Variants in ADAD2 observed in about 807,000 individuals in gnomAD.
ADAD2 encodes the protein adenosine deaminase domain containing 2, also known as adenosine deaminase domain-containing protein 2.
ADAD2 carries 60 observed loss-of-function variants against 54.5 expected under a neutral mutation model. The ratio of observed to expected loss-of-function variants is 1.10; its 90% CI spans 0.89 to 1.36. The LOEUF (loss-of-function observed/expected upper bound fraction) is 1.36. Ranked by LOEUF, ADAD2 falls within the 40% of genes most tolerant of loss-of-function variation. The pLI is 0.00. For missense variants in ADAD2, 1,103 were observed against 801.3 expected, an observed-to-expected ratio of 1.38 and a Z score of -4.54; for synonymous variants, 543 against 366.2, an observed-to-expected ratio of 1.48 and a Z score of -5.51.
In ADAD2 at chr16:84,196,706, AG is replaced by A; in HGVS notation, c.1588del (p.Ala530ArgfsTer13). ...GCCTCCTTTCTCCGGGCCTTTCACC[AG>A]GCGGCCAGGGCTGTGGGGAAGCCCT... ...CKASFLRAFHQAARAVGKPYL... is the reference protein window; with the variant it reads ...CKASFLRAFHXAARAVGKPYL... On this transcript the variant is annotated frameshift_variant, in exon 9 of 10. Transcript: ENST00000315906. LOFTEE classifies it high-confidence loss of function. 3 of 1,613,144 alleles carry A rather than the reference AG, an allele frequency of 1.9e-6. No homozygotes were observed. Among genetic ancestry groups the A allele is most frequent in the Non-Finnish European group, 1.7e-6 (2 of 1,179,952 alleles).
chr16:84,195,703 C>G lies in ADAD2; in HGVS notation c.1052+6C>G, dbSNP rs191155110. On this transcript the variant is annotated splice_donor_region_variant and intron_variant, in intron 6 of 9. Transcript: ENST00000315906. ...GGCGCGGCCCGTGACATCTAGTATG[C>G]AGGGCCCCCGGGGCAGGCGGGGGAT... is the stretch of plus-strand genomic sequence containing the variant. The G allele has an allele frequency of 1.4e-3, 2,163 of 1,539,096 alleles. 40 individuals are homozygous for G. In the East Asian group the frequency reaches 0.042, roughly 30 times the overall value.
intron 1 of ADAD2, 42 bp downstream of exon 1, chr16:84,191,690 C>G: frequency 1.9e-6 from 3 of 1,545,716 alleles, no homozygotes; most frequent in Non-Finnish European, 2.6e-6. Flanking sequence ...AGGGCAGAGC[C>G]ACGGAGGGCT....
At chr16:84,193,869 G>C in intron 1 of ADAD2, 7 of 931,522 alleles carry the variant, frequency 7.5e-6, no homozygotes, top group Non-Finnish European at 9.5e-6. Flanking sequence ...CCCCCAGAGG[G>C]GCAGTCCTTG....
At chr16:84,194,151 T>G (rs750638873) in intron 1 of ADAD2, 8 of 1,611,532 alleles carry the variant, frequency 5.0e-6, no homozygotes, top group Non-Finnish European at 5.9e-6. Context: ...CTGACTCAAG[T>G]TGGGCAAACC....
rs759059385 is a variant in ADAD2, at chr16:84,194,562, G to T, written c.539G>T (p.Arg180Leu). The T allele has an allele frequency of 3.7e-6, 6 of 1,605,592 alleles. No individual in the cohort carries two copies. Among genetic ancestry groups the T allele is most frequent in the Non-Finnish European group, 4.3e-6 (5 of 1,176,156 alleles). Residue 180 changes from arginine (R) to leucine (L), a missense_variant, in exon 2 of 10, where the codon CGG (arginine) becomes CTG (leucine). Arg to Leu is a moderately radical substitution (Grantham distance 102). Coordinates refer to ENST00000315906, the MANE Select transcript of ADAD2 (RefSeq NM_001145400.2). ...GCGCTCTCTGCCCTCTGCTACATCC[G>T]GAGTCAGCTGGAGAACCCAGGTAAT... The part of the protein sequence containing the change: ...QAALSALCYI[R>L]SQLENPESPQ...
At position 84,191,275 on chromosome 16, in the gene ADAD2, G is replaced by A; in HGVS notation, c.45G>A (p.Arg15=). The change falls in exon 1 of 10, where the codon AGG becomes AGA. Residue 15 remains arginine, a synonymous_variant. Transcript: ENST00000315906. The part of the protein sequence containing the change: ...SQGADDDGSR[R]KPRLAASLQI... ...GCGCTGACGACGACGGCAGTCGTAG[G>A]AAGCCCCGCCTGGCTGCATCGTTGC... The A allele has an allele frequency of 6.3e-7, 1 of 1,592,022 alleles. No homozygotes were observed. The highest frequency in any genetic ancestry group is 8.5e-7 in the Non-Finnish European group (1 of 1,172,464).
chr16:84,193,829 GCTGAAATGGGTTCC>G (rs1377467148), intron 1 of ADAD2: 1 of 623,744 alleles, frequency 1.6e-6, no homozygotes, highest in Non-Finnish European at 2.7e-6. Context: ...AGTGGGGAGT[GCTGAAATGGGTTCC>G]CTTCCAAAAG....
rs201440850 is a variant in ADAD2 at position 84,196,308 on chromosome 16, C to T, written c.1464C>T (p.Asn488=). The T allele has an allele frequency of 6.6e-5, 107 of 1,613,022 alleles. No homozygotes were observed. In the African/African-American group the frequency reaches 1.3e-3, roughly 19 times the overall value. Residue 488 remains asparagine, a synonymous_variant, in exon 8 of 10, where the codon AAC becomes AAT. Transcript: ENST00000315906. ...TPDTCRGLSL[N]WSLGDPGIEV... is the part of the protein sequence containing the mutation. ...ACACCTGCCGTGGCCTGAGCCTCAA[C>T]TGGAGCCTGGGGGACCCTGGCATCG...
rs911437164 is a variant in ADAD2 at position 84,196,771 on chromosome 16, G to A, written c.1647+4G>A. The A allele has an allele frequency of 2.5e-6, 4 of 1,607,126 alleles. No individual in the cohort carries two copies. Among genetic ancestry groups the A allele is most frequent in the African/African-American group, 1.3e-5 (1 of 74,788 alleles). ...GAAGACCTACGAGGCTGCCAAGGTT[G>A]GTTCCCCACCCTCCCCCCGTCCCGG... On this transcript the variant is annotated splice_donor_region_variant and intron_variant, in intron 9 of 9. Transcript: ENST00000315906.
chr16:84,194,495 G>A lies in ADAD2; in HGVS notation c.472G>A (p.Ala158Thr). The change falls in exon 2 of 10, where the codon GCG becomes ACG. Residue 158 changes from alanine to threonine, a missense_variant. Ala to Thr is a moderately conservative substitution (Grantham distance 58). Transcript: ENST00000315906. The stretch of plus-strand genomic sequence containing the variant: ...GGAACTGGATGGGGTGGTCTGCCCT[G>A]CGGGCACTGCGAATAGCAAGACGGA... The part of the protein sequence containing the change: ...SAELDGVVCP[A>T]GTANSKTEAK... 1 of 1,611,994 alleles carries A rather than the reference G, an allele frequency of 6.2e-7. No homozygotes were observed. Among genetic ancestry groups the A allele is most frequent in the Non-Finnish European group, 8.5e-7 (1 of 1,179,762 alleles).
Position 84,196,302 on chromosome 16 carries a change from C to T in ADAD2, c.1458C>T (p.Ser486=), listed in dbSNP as rs1597601220. 1.2e-6 allele frequency: 2 copies of T among 1,612,996 alleles called. No individual in the cohort carries two copies. Among genetic ancestry groups the T allele is most frequent in the African/African-American group, 1.3e-5 (1 of 75,046 alleles). The change falls in exon 8 of 10, where the codon AGC becomes AGT. Residue 486 remains serine, a synonymous_variant. Coordinates refer to ENST00000315906, the MANE Select transcript of ADAD2 (RefSeq NM_001145400.2). ...CCCCTGACACCTGCCGTGGCCTGAG[C>T]CTCAACTGGAGCCTGGGGGACCCTG... ...EPTPDTCRGL[S]LNWSLGDPGI...
chr16:84,196,977 C>T lies in ADAD2; in HGVS notation c.*3C>T, dbSNP rs751888458. On this transcript the variant is annotated 3_prime_UTR_variant, in exon 10 of 10. Transcript: ENST00000315906. Reference sequence around the variant, plus strand: ...TGGTGGGCAAATTCAGAAACTGAAGCCAGCCTCGGCGGGACCGAGGTCCCG... The same window carrying T: ...TGGTGGGCAAATTCAGAAACTGAAGTCAGCCTCGGCGGGACCGAGGTCCCG... 1 of 1,590,008 alleles carries T rather than the reference C, an allele frequency of 6.3e-7. No individual in the cohort carries two copies. The highest frequency in any genetic ancestry group is 1.1e-5 in the South Asian group (1 of 87,550).
At position 84,195,026 on chromosome 16, in the gene ADAD2, G is replaced by A. The variant is rs1331641843; in HGVS notation, c.608-43G>A. The stretch of plus-strand genomic sequence containing the variant: ...CCAGGCTTGTAGTGTCGAGGGGAGA[G>A]GCGTGGGCCCCCTTCTACCTGCAGT... On this transcript the variant is annotated intron_variant, in intron 3 of 9. Transcript: ENST00000315906. 3.7e-6 allele frequency: 6 copies of A among 1,612,530 alleles called. No homozygotes were observed. In the South Asian group the frequency reaches 4.4e-5, roughly 12 times the overall value.
chr16:84,196,143 C>T lies in ADAD2; in HGVS notation c.1299C>T (p.Asp433=), dbSNP rs781464069. 16 of 1,603,800 alleles carry T rather than the reference C, an allele frequency of 1.0e-5. No homozygotes were observed. Among genetic ancestry groups the T allele is most frequent in the Non-Finnish European group, 1.4e-5 (16 of 1,179,776 alleles). The change falls in exon 8 of 10, where the codon GAC becomes GAT. Residue 433 remains aspartate, a synonymous_variant. Transcript: ENST00000315906. The part of the protein sequence containing the change: ...TSLILADSCH[D]PPTLSRAIHT... The stretch of plus-strand genomic sequence containing the variant: ...GCCCTGCAGCTGACTCATGCCACGA[C>T]CCTCCGACTCTGAGCAGGGCCATCC...
intron 1 of ADAD2, chr16:84,191,908 C>G (rs1380438513): frequency 1.7e-6 from 1 of 601,498 alleles, no homozygotes; most frequent in Non-Finnish European, 3.0e-6. Context: ...ACCTGACTTC[C>G]AGGGAGGTTA....
chr16:84,195,387 C>T lies in ADAD2; in HGVS notation c.825C>T (p.Phe275=), dbSNP rs554376876. The stretch of plus-strand genomic sequence containing the variant: ...GCTGCTGTGCTGGCTGGCTGGAGTT[C>T]TCGGGCCAGCAGCTCCACGACTGCC... ...GSSCCAGWLE[F]SGQQLHDCHG... The change falls in exon 5 of 10, where the codon TTC becomes TTT. Residue 275 remains phenylalanine, a synonymous_variant. Coordinates refer to ENST00000315906, the MANE Select transcript of ADAD2 (RefSeq NM_001145400.2). The T allele has an allele frequency of 1.7e-4, 270 of 1,608,876 alleles. No homozygotes were observed. The highest frequency in any genetic ancestry group is 2.2e-4 in the Non-Finnish European group (257 of 1,179,422).
At chr16:84,191,960 C>T (rs1357249592) in intron 1 of ADAD2, 5 of 499,696 alleles carry the variant, frequency 1.0e-5, no homozygotes, top group Non-Finnish European at 1.1e-5. Flanking sequence ...GAGCCACTTA[C>T]ATGCAATTTA....
chr16:84,195,505 A>C, intron 5 of ADAD2, 25 bp from the exon 6 acceptor site: 1 of 1,602,716 alleles, frequency 6.2e-7, no homozygotes, highest in Non-Finnish European at 8.5e-7. Context: ...GGTCTTCCCA[A>C]CCACCCTGTG....
Position 84,195,329 on chromosome 16 carries a change from T to C in ADAD2, c.767T>C (p.Ile256Thr). The C allele has an allele frequency of 1.2e-6, 2 of 1,610,938 alleles. No homozygotes were observed. The highest frequency in any genetic ancestry group is 2.2e-5 in the South Asian group (2 of 91,050). ...CGTGCCAGGGGCCACGTGAAGGAGA[T>C]CTACAAGCTGGTGGCTCTGGGCACC... The part of the protein sequence containing the change: ...IPRARGHVKE[I>T]YKLVALGTGS... The change falls in exon 5 of 10, where the codon ATC (isoleucine) becomes ACC (threonine). Residue 256 changes from isoleucine to threonine, a missense_variant. Ile to Thr is a moderately conservative substitution (Grantham distance 89). Transcript: ENST00000315906.
Sources: allele counts gnomAD v4.1 joint callset, GRCh38; gene constraint gnomAD v4.1.1; transcripts MANE v1.5; gene names NCBI Gene and HGNC (gene_info 2026-07-23, HGNC 2026-07-21).